Variants in RNLS observed in about 807,000 individuals in gnomAD.
The protein encoded by RNLS is renalase, FAD dependent amine oxidase, also known as renalase.
In RNLS, 39 loss-of-function variants were observed where a neutral mutation model predicts 39.8. The observed-to-expected ratio is 0.98, with a 90% CI of 0.76 to 1.28. The LOEUF is 1.28. RNLS is among the 50% of genes most tolerant of loss of function. The probability of loss-of-function intolerance (pLI) is 0.00; values close to 1 mark genes in which losing one functional copy is unlikely to be tolerated. For synonymous variants in RNLS, 147 were observed against 150.7 expected, an observed-to-expected ratio of 0.98 and a Z score of 0.18; for missense variants, 410 against 413.3, an observed-to-expected ratio of 0.99 and a Z score of 0.07.
chr10:88,449,529 T>C (rs1378036109), intron 4 of RNLS, among the ~76,000 whole-genome samples: 2 of 152,232 alleles, frequency 1.3e-5, no homozygotes, highest in Non-Finnish European at 2.9e-5. Context: ...GATTAACTAA[T>C]AATAATTTTT....
intron 3 of RNLS, among the ~76,000 whole-genome samples, chr10:88,577,253 G>C (rs1343608403): frequency 6.6e-6 from 1 of 152,134 alleles, no homozygotes; most frequent in Non-Finnish European, 1.5e-5. Flanking sequence ...CGTAGCACCA[G>C]GTGGGATGGG....
intron 5 of RNLS, among the ~76,000 whole-genome samples, chr10:88,359,187 G>A (rs1352081708): frequency 6.6e-6 from 1 of 151,982 alleles, no homozygotes; most frequent in Non-Finnish European, 1.5e-5. Flanking sequence ...ATGGAGGCGG[G>A]CACCTGTACT....
chr10:88,496,309 T>A (rs1845171267), intron 4 of RNLS, among the ~76,000 whole-genome samples: 1 of 152,134 alleles, frequency 6.6e-6, no homozygotes, highest in Non-Finnish European at 1.5e-5. Context: ...GGGGATTATA[T>A]TATGAGAAAA....
intron 4 of RNLS, among the ~76,000 whole-genome samples, chr10:88,400,559 T>C (rs547140983): frequency 4.6e-5 from 7 of 152,198 alleles, no homozygotes; most frequent in African/African-American, 1.4e-4. Context: ...TTTTGAAACA[T>C]ATCATATGAC....
intron 4 of RNLS, among the ~76,000 whole-genome samples, chr10:88,551,713 T>C (rs777759646): frequency 7.3e-5 from 11 of 151,686 alleles, no homozygotes; most frequent in Non-Finnish European, 1.6e-4. Context: ...ACACAAGCTT[T>C]GTAGTCAGTA....
intron 4 of RNLS, among the ~76,000 whole-genome samples, chr10:88,513,780 C>T (rs1589932945): frequency 2.6e-5 from 4 of 152,078 alleles, no homozygotes; most frequent in Admixed American, 2.6e-4. Flanking sequence ...AATTTTGCAC[C>T]GTCGAGATTG....
intron 4 of RNLS, among the ~76,000 whole-genome samples, chr10:88,420,212 T>G (rs1314512104): frequency 6.6e-6 from 1 of 152,082 alleles, no homozygotes; most frequent in African/African-American, 2.4e-5. Context: ...AGCCAATATT[T>G]TTATTATTAT....
intron 5 of RNLS, among the ~76,000 whole-genome samples, chr10:88,337,570 T>A (rs1026928074): frequency 2.6e-5 from 4 of 152,212 alleles, no homozygotes; most frequent in African/African-American, 7.2e-5. Context: ...CTCTGTTTTT[T>A]AAAAATAATC....
At chr10:88,459,017 A>G (rs1416151364) in intron 4 of RNLS, among the ~76,000 whole-genome samples, 1 of 152,192 alleles carries the variant, frequency 6.6e-6, no homozygotes, top group Non-Finnish European at 1.5e-5. Flanking sequence ...AATGCTTCCA[A>G]CACTTTTTCA....
At chr10:88,368,285 A>G (rs1278664918) in intron 4 of RNLS, among the ~76,000 whole-genome samples, 1 of 152,076 alleles carries the variant, frequency 6.6e-6, no homozygotes. Context: ...TTATTATCCT[A>G]TTATTTTGGA....
chr10:88,442,829 G>C (rs544141721), intron 4 of RNLS, among the ~76,000 whole-genome samples: 132 of 152,204 alleles, frequency 8.7e-4, no homozygotes, highest in African/African-American at 3.1e-3. Flanking sequence ...GCTCGTATCA[G>C]TACTTCCAGC....
chr10:88,378,536 T>G (rs1191624647), intron 4 of RNLS, among the ~76,000 whole-genome samples: 1 of 152,160 alleles, frequency 6.6e-6, no homozygotes, highest in African/African-American at 2.4e-5. Flanking sequence ...CCATAAAAAA[T>G]TATCTCACCT....
intron 4 of RNLS, among the ~76,000 whole-genome samples, chr10:88,443,778 G>A (rs1841869521): frequency 6.6e-6 from 1 of 152,236 alleles, no homozygotes; most frequent in South Asian, 2.1e-4. Context: ...TGGGGAAGGG[G>A]CGCCCGCCAT....
chr10:88,185,666 T>C, the RNLS span, among the ~76,000 whole-genome samples: 1 of 152,148 alleles, frequency 6.6e-6, no homozygotes, highest in South Asian at 2.1e-4. Flanking sequence ...AACAGACACA[T>C]TCTTTGACTA....
chr10:88,287,980 T>C (rs1315801070), intron 6 of RNLS, among the ~76,000 whole-genome samples: 1 of 152,104 alleles, frequency 6.6e-6, no homozygotes, highest in Non-Finnish European at 1.5e-5. Flanking sequence ...CTGGGAAGAA[T>C]CCTGGCAGAC....
intron 4 of RNLS, among the ~76,000 whole-genome samples, chr10:88,463,970 C>A (rs1472452650): frequency 6.6e-6 from 1 of 151,964 alleles, no homozygotes; most frequent in Non-Finnish European, 1.5e-5. Flanking sequence ...TGACCATCAT[C>A]TTAAACAAAC....
chr10:88,438,386 A>C (rs534589047), intron 4 of RNLS, among the ~76,000 whole-genome samples: 5 of 152,174 alleles, frequency 3.3e-5, no homozygotes, highest in Non-Finnish European at 7.4e-5. Context: ...TAAATGAATA[A>C]GTTCCCTTCT....
the RNLS span, among the ~76,000 whole-genome samples, chr10:88,188,356 C>T: frequency 2.6e-5 from 4 of 152,194 alleles, no homozygotes; most frequent in Non-Finnish European, 5.9e-5. Flanking sequence ...CACACCTGAC[C>T]TCAGTTGTTT....
At chr10:88,443,100 C>T (rs1421721207) in intron 4 of RNLS, among the ~76,000 whole-genome samples, 1 of 152,120 alleles carries the variant, frequency 6.6e-6, no homozygotes, top group Non-Finnish European at 1.5e-5. Context: ...CTATTTCTTC[C>T]CCTCCTTTGT....
Sources: gnomAD v4.1 joint callset for allele counts (sites outside exome capture counted in the v4.1 genomes callset) on GRCh38, gnomAD v4.1.1 for gene constraint, MANE v1.5 for transcripts, NCBI Gene and HGNC (gene_info 2026-07-23, HGNC 2026-07-21) for gene names.